PLEKHG6: variants seen among roughly 807,000 people sequenced by gnomAD.
PLEKHG6 encodes the protein pleckstrin homology domain-containing family G member 6.
A neutral mutation model predicts 97.5 loss-of-function variants in PLEKHG6; 91 were observed. That is an observed-to-expected ratio of 0.93 (90% confidence interval 0.79 to 1.11). The LOEUF (loss-of-function observed/expected upper bound fraction) is 1.11. Among genes scored for constraint, PLEKHG6 ranks in the 50% most tolerant of loss-of-function variants. The probability of loss-of-function intolerance (pLI) is 0.00; values close to 1 mark genes in which losing one functional copy is unlikely to be tolerated. For synonymous variants in PLEKHG6, 466 were observed against 425.5 expected (o/e 1.10, Z -1.17); for missense variants, 1,044 against 1,031.0 (o/e 1.01, Z -0.17).
At chr12:6,317,228 G>T in intron 7 of PLEKHG6, 75 bp from the exon 8 acceptor site, 2 of 937,944 alleles carry the variant, frequency 2.1e-6, no homozygotes, top group Non-Finnish European at 3.5e-6. Context: ...CCTGCTCCTG[G>T]GTCCTGCAGC....
intron 13 of PLEKHG6, among the ~76,000 whole-genome samples, chr12:6,324,298 C>G (rs959435596): frequency 1.4e-5 from 2 of 145,000 alleles, no homozygotes; most frequent in South Asian, 2.2e-4. Flanking sequence ...CCCCTCCCCC[C>G]CCCGCCGCCT....
chr12:6,322,224 G>A (rs1179020976), intron 13 of PLEKHG6, among the ~76,000 whole-genome samples: 3 of 152,190 alleles, frequency 2.0e-5, no homozygotes, highest in Non-Finnish European at 4.4e-5. Flanking sequence ...AAATGTGTTT[G>A]TTTAGTTATT....
At position 6,315,089 on chromosome 12, in the gene PLEKHG6, C is replaced by G; in HGVS notation, c.379C>G (p.Arg127Gly). The change falls in exon 4 of 16, where the codon CGG becomes GGG. Residue 127 changes from arginine (R) to glycine (G), a missense_variant. Physicochemically the swap from Arg to Gly is moderately radical, Grantham distance 125. Coordinates refer to ENST00000684764, the MANE Select transcript of PLEKHG6 (RefSeq NM_001384598.1). The surrounding 1 kb of genome is among the most constrained non-coding windows in gnomAD (Gnocchi z 4.5). ...GCCCCGGCTGCCCCCTGAGGACCGG[C>G]GGCACTGGGAGATAGGAGAGGGTGG... ...GMPRLPPEDR[R>G]HWEIGEGGDS... The G allele has an allele frequency of 1.2e-6, 2 of 1,613,346 alleles. No homozygotes were observed. Among genetic ancestry groups the G allele is most frequent in the East Asian group, 2.2e-5 (1 of 44,874 alleles).
intron 2 of PLEKHG6, chr12:6,312,592 C>T: frequency 7.7e-7 from 1 of 1,293,226 alleles, no homozygotes; most frequent in Middle Eastern, 2.8e-4. Flanking sequence ...CCAGGAGAAG[C>T]CAGGCCCTCC....
Position 6,315,752 on chromosome 12 carries a change from C to G in PLEKHG6, c.555+103C>G. The stretch of plus-strand genomic sequence containing the variant: ...ACTGGGGGAGGGAGGGGCAGGATTT[C>G]AGGCCAGTCTGGGATGCAGGGAGAT... On this transcript the variant is annotated intron_variant, in intron 5 of 15. Transcript: ENST00000684764. This position sits in a 1 kb window ranked among gnomAD's most constrained non-coding sequence, Gnocchi z 4.5. 4 of 1,228,554 alleles carry G rather than the reference C, an allele frequency of 3.3e-6. No homozygotes were observed. Among genetic ancestry groups the G allele is most frequent in the Non-Finnish European group, 3.4e-6 (3 of 870,958 alleles). The allele number at this position is 1,228,554 out of a possible 1,614,324, so 76.1% of individuals were successfully genotyped here.
At position 6,316,069 on chromosome 12, in the gene PLEKHG6, C is replaced by A; in HGVS notation, c.606+150C>A. 3 of 918,276 alleles carry A rather than the reference C, an allele frequency of 3.3e-6. No homozygotes were observed. The highest frequency in any genetic ancestry group is 1.6e-6 in the Non-Finnish European group (1 of 615,728). The allele number at this position is 918,276 out of a possible 1,614,324, so 56.9% of individuals were successfully genotyped here. On this transcript the variant is annotated intron_variant, in intron 6 of 15. Coordinates refer to ENST00000684764, the MANE Select transcript of PLEKHG6 (RefSeq NM_001384598.1). The surrounding 1 kb of genome is among the most constrained non-coding windows in gnomAD (Gnocchi z 4.1). ...CCTACTTCCCTGTTACTGGGGACTC[C>A]AAGCAGGCCACAGGCCCCCCATTTC...
At chr12:6,311,573 C>T (rs757381293) in intron 1 of PLEKHG6, among the ~76,000 whole-genome samples, 90 of 152,204 alleles carry the variant, frequency 5.9e-4, no homozygotes, top group Non-Finnish European at 1.2e-3. Context: ...TGTTTATGGA[C>T]ACTGAATTTG....
At position 6,318,326 on chromosome 12, in the gene PLEKHG6, A is replaced by G. The variant is rs769096998; in HGVS notation, c.1181A>G (p.Asp394Gly). The G allele has an allele frequency of 1.2e-6, 2 of 1,613,944 alleles. No individual in the cohort carries two copies. Among genetic ancestry groups the G allele is most frequent in the South Asian group, 2.2e-5 (2 of 91,080 alleles). The change falls in exon 11 of 16, where the codon GAC (aspartate) becomes GGC (glycine). Residue 394 changes from aspartate to glycine, a missense_variant. Transcript: ENST00000684764. ...EKNLRPFSTL[D>G]LTSPMLGVAS... ...AACCTGCGCCCATTCTCCACCCTGG[A>G]CCTGACGTCCCCCATGCTGGGGGTT...
At chr12:6,325,372 G>A (rs1478644689) in intron 13 of PLEKHG6, among the ~76,000 whole-genome samples, 2 of 152,142 alleles carry the variant, frequency 1.3e-5, no homozygotes, top group African/African-American at 4.8e-5. Flanking sequence ...TGTAAAATGG[G>A]CTAACATTCA....
At chr12:6,326,906 T>A (rs1461306531) in intron 14 of PLEKHG6, among the ~76,000 whole-genome samples, 1 of 151,940 alleles carries the variant, frequency 6.6e-6, no homozygotes, top group African/African-American at 2.4e-5. Flanking sequence ...GAGTGTGAGG[T>A]TCGTCTAGGA....
rs768353863 is a variant in PLEKHG6 at position 6,317,659 on chromosome 12, G to A, written c.980G>A (p.Ser327Asn). The A allele has an allele frequency of 1.2e-6, 2 of 1,613,840 alleles. No homozygotes were observed. The highest frequency in any genetic ancestry group is 2.2e-5 in the East Asian group (1 of 44,898). Residue 327 changes from serine (S) to asparagine (N), a missense_variant, in exon 9 of 16, where the codon AGC becomes AAC. By Grantham distance (46) the Ser-to-Asn change is conservative. Coordinates refer to ENST00000684764, the MANE Select transcript of PLEKHG6 (RefSeq NM_001384598.1). ...CTGCTCCATGCTGTGCTCAAGAGGA[G>A]CCCCGAGGCACGAGCCCAAGAGGCC... The part of the protein sequence containing the change: ...PLLLHAVLKR[S>N]PEARAQEALN...
chr12:6,312,052 TCCC>T (rs1004583242), intron 1 of PLEKHG6, 104 bp from the exon 2 acceptor site: 1 of 498,326 alleles, frequency 2.0e-6, no homozygotes, highest in African/African-American at 2.0e-5. Flanking sequence ...GGCCCTCTCC[TCCC>T]CCACTATACC....
At chr12:6,326,979 A>T (rs1380948958) in intron 14 of PLEKHG6, among the ~76,000 whole-genome samples, 1 of 152,192 alleles carries the variant, frequency 6.6e-6, no homozygotes, top group African/African-American at 2.4e-5. Flanking sequence ...GGATAATATC[A>T]GGTAAGTTCA....
Position 6,328,237 on chromosome 12 carries a change from A to G in PLEKHG6, c.*92A>G. ...CCTCCGGCATCTGTGACTCTACCTC[A>G]AGGACCACATTTCCCAAAGGAAGCC... On this transcript the variant is annotated 3_prime_UTR_variant, in exon 16 of 16. Coordinates refer to ENST00000684764, the MANE Select transcript of PLEKHG6 (RefSeq NM_001384598.1). The G allele has an allele frequency of 3.8e-6, 5 of 1,322,478 alleles. No individual in the cohort carries two copies. Among genetic ancestry groups the G allele is most frequent in the Non-Finnish European group, 5.4e-6 (5 of 918,718 alleles). The allele number at this position is 1,322,478 out of a possible 1,614,324, so 81.9% of individuals were successfully genotyped here.
chr12:6,312,219 G>A lies in PLEKHG6; in HGVS notation c.-8G>A, dbSNP rs757319880. 4 of 1,492,394 alleles carry A rather than the reference G, an allele frequency of 2.7e-6. No individual in the cohort carries two copies. The highest frequency in any genetic ancestry group is 3.6e-6 in the Non-Finnish European group (4 of 1,126,592). The allele number at this position is 1,492,394 out of a possible 1,614,324, so 92.4% of individuals were successfully genotyped here. On this transcript the variant is annotated 5_prime_UTR_variant, in exon 2 of 16. Transcript: ENST00000684764. ...ATGGCCCTTTGGAGGTGACCCAGGA[G>A]AGAAGGGATGAAGGCCTTTGGTCCT...
At chr12:6,318,178 C>G in intron 10 of PLEKHG6, 123 bp from the exon 11 acceptor site, 1 of 1,510,936 alleles carries the variant, frequency 6.6e-7, no homozygotes, top group Non-Finnish European at 9.0e-7. Context: ...GGGAGGCTTT[C>G]TCTAGCCCAT....
Position 6,315,548 on chromosome 12 carries a change from C to A in PLEKHG6, c.460-6C>A. The A allele has an allele frequency of 6.5e-6, 10 of 1,534,480 alleles. No homozygotes were observed. The highest frequency in any genetic ancestry group is 2.3e-5 in the East Asian group (1 of 43,716). On this transcript the variant is annotated splice_polypyrimidine_tract_variant and splice_region_variant and intron_variant, in intron 4 of 15. Transcript: ENST00000684764. The surrounding 1 kb of genome is among the most constrained non-coding windows in gnomAD (Gnocchi z 4.5). ...CCCAACTGAACCAGCATTCTCCCCA[C>A]CCCAGGAGATGAGCCAGGAGCTCTG...
chr12:6,322,030 C>G (rs1219117925), intron 13 of PLEKHG6, among the ~76,000 whole-genome samples: 1 of 152,100 alleles, frequency 6.6e-6, no homozygotes, highest in Non-Finnish European at 1.5e-5. Flanking sequence ...TACCTGCTTC[C>G]TAGGGAGATT....
rs1343121993 is a variant in PLEKHG6, at chr12:6,327,677, A to G, written c.2094A>G (p.Pro698=). 6.4e-7 allele frequency: 1 copy of G among 1,566,030 alleles called. No individual in the cohort carries two copies. Among genetic ancestry groups the G allele is most frequent in the East Asian group, 2.3e-5 (1 of 43,494 alleles). ...ARLRGQLPSS[P]THADSAGESP... ...TTCGGGGCCAGCTTCCCTCCTCCCC[A>G]ACCCATGCTGACTCTGCCGGGGAAA... is the stretch of plus-strand genomic sequence containing the variant. Residue 698 remains proline, a synonymous_variant, in exon 15 of 16, where the codon CCA becomes CCG. Transcript: ENST00000684764.
Sources: gnomAD v4.1 joint callset for allele counts (sites outside exome capture counted in the v4.1 genomes callset) on GRCh38, gnomAD v4.1.1 for gene constraint, Gnocchi (gnomAD v3.1) non-coding constraint, MANE v1.5 for transcripts, NCBI Gene and HGNC (gene_info 2026-07-23, HGNC 2026-07-21) for gene names.